Variants in CDH7 observed in about 807,000 individuals in gnomAD.
The protein encoded by CDH7 is cadherin-7.
Under a neutral mutation model 71.8 loss-of-function variants are expected in CDH7, and 25 were observed. The ratio of observed to expected loss-of-function variants is 0.35; its 90% CI spans 0.25 to 0.49. The LOEUF (loss-of-function observed/expected upper bound fraction) is 0.49. Among genes scored for constraint, CDH7 ranks in the 20% least tolerant of loss-of-function variants. The probability of loss-of-function intolerance (pLI) is 0.99; values close to 1 mark genes in which losing one functional copy is unlikely to be tolerated. For missense variants in CDH7, 862 were observed against 974.6 expected, an observed-to-expected ratio of 0.88 and a Z score of 1.54; for synonymous variants, 381 against 363.8, an observed-to-expected ratio of 1.05 and a Z score of -0.54.
At chr18:65,803,734 C>T (rs1443864333) in intron 2 of CDH7, 1 of 151,736 alleles carries the variant, frequency 6.6e-6, no homozygotes, top group Non-Finnish European at 1.5e-5. Flanking sequence ...TTTAAATCTA[C>T]CTTCTATACT....
At chr18:65,781,954 T>C (rs1218538045) in intron 2 of CDH7, among the ~76,000 whole-genome samples, 9 of 83,908 alleles carry the variant, frequency 1.1e-4, no homozygotes, top group Admixed American at 2.1e-4. Flanking sequence ...CTTTCTCTCT[T>C]TCTCTCTTTC....
intron 10 of CDH7, among the ~76,000 whole-genome samples, chr18:65,860,200 C>A (rs1913513627): frequency 1.3e-5 from 2 of 152,088 alleles, no homozygotes; most frequent in Admixed American, 6.6e-5. Flanking sequence ...AAGAACTGGA[C>A]ATTACACATT....
At chr18:65,836,577 A>G (rs1328289364) in intron 6 of CDH7, among the ~76,000 whole-genome samples, 2 of 152,038 alleles carry the variant, frequency 1.3e-5, no homozygotes, top group Non-Finnish European at 2.9e-5. Flanking sequence ...TTTTGTTTCA[A>G]CCTACCTTTG....
At chr18:65,801,951 C>T (rs570119234) in intron 2 of CDH7, among the ~76,000 whole-genome samples, 28 of 152,262 alleles carry the variant, frequency 1.8e-4, no homozygotes, top group African/African-American at 5.5e-4. Context: ...TTGGTGTCTG[C>T]GACACGTACA....
At chr18:65,767,932 T>C (rs1369730070) in intron 2 of CDH7, among the ~76,000 whole-genome samples, 1 of 152,224 alleles carries the variant, frequency 6.6e-6, no homozygotes, top group Non-Finnish European at 1.5e-5. Flanking sequence ...ATATGGCTAA[T>C]TAACTTAAAA....
At chr18:65,794,118 G>T (rs1339599256) in intron 2 of CDH7, among the ~76,000 whole-genome samples, 2 of 151,810 alleles carry the variant, frequency 1.3e-5, no homozygotes, top group Non-Finnish European at 2.9e-5. Context: ...ATTTTACCTT[G>T]CAAAATCAGG....
chr18:65,770,031 C>T (rs1916497214), intron 2 of CDH7, among the ~76,000 whole-genome samples: 1 of 152,030 alleles, frequency 6.6e-6, no homozygotes, highest in Non-Finnish European at 1.5e-5. Context: ...AATACTACTG[C>T]TGGTTTGAGG....
intron 2 of CDH7, among the ~76,000 whole-genome samples, chr18:65,765,464 C>CTTTTTT (rs74171791): frequency 6.9e-6 from 1 of 144,210 alleles, no homozygotes. Flanking sequence ...TTCCTTTTTT[C>CTTTTTT]TTTTTTTTTT....
At chr18:65,801,630 T>C (rs1911128203) in intron 2 of CDH7, among the ~76,000 whole-genome samples, 1 of 152,320 alleles carries the variant, frequency 6.6e-6, no homozygotes, top group African/African-American at 2.4e-5. Flanking sequence ...TCTTCTTGGC[T>C]AGCTCCTTTT....
intron 2 of CDH7, among the ~76,000 whole-genome samples, chr18:65,791,335 C>T (rs921639464): frequency 1.1e-4 from 16 of 152,162 alleles, no homozygotes; most frequent in Admixed American, 1.3e-4. Context: ...AAACCCTGTT[C>T]TTTCTATGTG....
At chr18:65,824,000 A>G (rs1281528810) in intron 5 of CDH7, among the ~76,000 whole-genome samples, 1 of 149,956 alleles carries the variant, frequency 6.7e-6, no homozygotes, top group Non-Finnish European at 1.5e-5. Flanking sequence ...CAAAAGTTAA[A>G]CCAAAAATTT....
chr18:65,771,466 C>G (rs1400868552), intron 2 of CDH7, among the ~76,000 whole-genome samples: 1 of 151,218 alleles, frequency 6.6e-6, no homozygotes, highest in Non-Finnish European at 1.5e-5. Context: ...ATGGTGAAAC[C>G]CCATCTCTAC....
At chr18:65,800,642 T>C (rs577431158) in intron 2 of CDH7, among the ~76,000 whole-genome samples, 2 of 152,288 alleles carry the variant, frequency 1.3e-5, no homozygotes, top group South Asian at 2.1e-4. Context: ...ATAAAGTGAT[T>C]AGCAAAATAG....
intron 7 of CDH7, among the ~76,000 whole-genome samples, chr18:65,856,150 C>G (rs924179207): frequency 2.0e-5 from 3 of 152,126 alleles, no homozygotes; most frequent in African/African-American, 7.2e-5. Context: ...ATCTTCCAAT[C>G]CCAGTCAAAT....
intron 6 of CDH7, among the ~76,000 whole-genome samples, chr18:65,831,139 T>A (rs1171620088): frequency 6.6e-6 from 1 of 152,160 alleles, no homozygotes; most frequent in East Asian, 1.9e-4. Context: ...AATTATAAAA[T>A]AATTTATTAC....
At chr18:65,855,158 G>A (rs943226168) in intron 7 of CDH7, among the ~76,000 whole-genome samples, 5 of 151,862 alleles carry the variant, frequency 3.3e-5, no homozygotes, top group Admixed American at 6.6e-5. Context: ...TCTCTCTACT[G>A]TCCCCTGTCC....
chr18:65,821,939 T>C, intron 4 of CDH7, 142 bp from the exon 5 acceptor site: 1 of 641,076 alleles, frequency 1.6e-6, no homozygotes, highest in Non-Finnish European at 2.8e-6. Context: ...CTTTGGTCTT[T>C]AATACACAGT....
At chr18:65,792,593 G>C (rs767347881) in intron 2 of CDH7, among the ~76,000 whole-genome samples, 21 of 151,900 alleles carry the variant, frequency 1.4e-4, no homozygotes, top group Non-Finnish European at 2.5e-4. Flanking sequence ...GGAATAGTAG[G>C]TTTTCAGCTT....
chr18:65,799,859 T>C (rs1003986388), intron 2 of CDH7, among the ~76,000 whole-genome samples: 4 of 151,996 alleles, frequency 2.6e-5, no homozygotes, highest in African/African-American at 9.7e-5. Context: ...CTCTCTCTCA[T>C]GAATGATTGA....
Sources: allele counts gnomAD v4.1 joint callset (sites outside exome capture counted in the v4.1 genomes callset), GRCh38; gene constraint gnomAD v4.1.1; transcripts MANE v1.5; gene names NCBI Gene and HGNC (gene_info 2026-07-23, HGNC 2026-07-21).